Variants in PDE4B observed in about 807,000 individuals in gnomAD.
The protein encoded by PDE4B is 3',5'-cyclic-AMP phosphodiesterase 4B.
A neutral mutation model predicts 82.2 loss-of-function variants in PDE4B; 20 were observed. The observed-to-expected ratio is 0.24, with a 90% CI of 0.17 to 0.35. The LOEUF is 0.35. Among genes scored for constraint, PDE4B ranks in the 10% least tolerant of loss-of-function variants. The pLI, the probability that PDE4B is intolerant of heterozygous loss-of-function variation, is 1.00. For synonymous variants in PDE4B, 320 were observed against 318.9 expected (o/e 1.00, Z -0.04); for missense variants, 655 against 907.2 (o/e 0.72, Z 3.57).
chr1:66,179,810 T>C (rs1396269708), intron 3 of PDE4B, among the ~76,000 whole-genome samples: 2 of 152,202 alleles, frequency 1.3e-5, no homozygotes, highest in African/African-American at 4.8e-5. Context: ...AGGGTGGGAA[T>C]TTTAAATAAG....
intron 3 of PDE4B, among the ~76,000 whole-genome samples, chr1:66,146,815 C>T (rs368772736): frequency 1.3e-4 from 20 of 152,278 alleles, no homozygotes; most frequent in Middle Eastern, 6.8e-3. Context: ...TTTTAAACTA[C>T]GTACCGTAGA....
intron 1 of PDE4B, among the ~76,000 whole-genome samples, chr1:65,901,072 A>G (rs1170356356): frequency 6.6e-6 from 1 of 152,070 alleles, no homozygotes; most frequent in Non-Finnish European, 1.5e-5. Flanking sequence ...CCCATTCAGT[A>G]TGCTGTTGGC....
chr1:66,254,585 G>A (rs1196695051), intron 4 of PDE4B, among the ~76,000 whole-genome samples: 3 of 152,080 alleles, frequency 2.0e-5, no homozygotes, highest in Admixed American at 6.5e-5. Flanking sequence ...GTCTCCACCC[G>A]GATACAAATC....
chr1:65,924,592 A>G (rs1160803563), intron 3 of PDE4B, among the ~76,000 whole-genome samples: 2 of 152,186 alleles, frequency 1.3e-5, no homozygotes, highest in African/African-American at 4.8e-5. Context: ...CAGAGTTTCT[A>G]TGAATCAGGA....
intron 3 of PDE4B, chr1:66,048,737 G>A (rs1458769754): frequency 6.6e-6 from 1 of 151,790 alleles, no homozygotes; most frequent in Non-Finnish European, 1.5e-5. Flanking sequence ...CTTCATTCTC[G>A]GATGTTTTAT....
At chr1:66,079,292 A>G (rs1400874161) in intron 3 of PDE4B, among the ~76,000 whole-genome samples, 1 of 151,972 alleles carries the variant, frequency 6.6e-6, no homozygotes, top group Non-Finnish European at 1.5e-5. Flanking sequence ...TAGTTAAAAT[A>G]TAACTATTTA....
chr1:66,147,309 T>A (rs1420949937), intron 3 of PDE4B, among the ~76,000 whole-genome samples: 1 of 152,200 alleles, frequency 6.6e-6, no homozygotes, highest in East Asian at 1.9e-4. Context: ...TTGGCCCACC[T>A]AACAGCCCCG....
At chr1:65,903,296 G>A (rs1646991824) in intron 1 of PDE4B, among the ~76,000 whole-genome samples, 1 of 151,990 alleles carries the variant, frequency 6.6e-6, no homozygotes, top group African/African-American at 2.4e-5. Flanking sequence ...AATGTATTAG[G>A]TGCTTGTCAA....
chr1:66,346,349 TA>T (rs1661394378), intron 8 of PDE4B, among the ~76,000 whole-genome samples: 1 of 152,208 alleles, frequency 6.6e-6, no homozygotes, highest in African/African-American at 2.4e-5. Flanking sequence ...AGTCAATAGA[TA>T]AAAAGTTGTA....
At chr1:66,300,082 C>A (rs1259489384) in intron 7 of PDE4B, among the ~76,000 whole-genome samples, 3 of 152,050 alleles carry the variant, frequency 2.0e-5, no homozygotes, top group African/African-American at 7.2e-5. Flanking sequence ...CTCTGGTGTT[C>A]GTGTTTTTAC....
intron 3 of PDE4B, among the ~76,000 whole-genome samples, chr1:65,996,710 A>G (rs1651560983): frequency 6.6e-6 from 1 of 151,922 alleles, no homozygotes; most frequent in Non-Finnish European, 1.5e-5. Flanking sequence ...CATTATTTTG[A>G]CTCTGAATCA....
chr1:66,129,896 T>C (rs547291592), intron 3 of PDE4B, among the ~76,000 whole-genome samples: 6 of 152,310 alleles, frequency 3.9e-5, no homozygotes, highest in African/African-American at 1.4e-4. Flanking sequence ...TTTCTTGTTT[T>C]TAATGCAAAT....
At chr1:66,228,205 TTTCCC>T (rs1180301228) in intron 3 of PDE4B, among the ~76,000 whole-genome samples, 8 of 152,336 alleles carry the variant, frequency 5.3e-5, no homozygotes, top group African/African-American at 1.7e-4. Context: ...CCTGGCACTA[TTTCCC>T]TTCCCTTCCT....
At chr1:66,196,908 A>G (rs1648357123) in intron 3 of PDE4B, among the ~76,000 whole-genome samples, 1 of 152,106 alleles carries the variant, frequency 6.6e-6, no homozygotes, top group Non-Finnish European at 1.5e-5. Flanking sequence ...ATGTATACAT[A>G]TGTAACTAAC....
At chr1:65,862,409 G>A (rs1309424683) in intron 1 of PDE4B, among the ~76,000 whole-genome samples, 7 of 152,118 alleles carry the variant, frequency 4.6e-5, no homozygotes, top group African/African-American at 1.7e-4. Flanking sequence ...TGACTTGATC[G>A]TGGTAGATAA....
chr1:66,164,184 G>A (rs1172773841), intron 3 of PDE4B, among the ~76,000 whole-genome samples: 1 of 152,052 alleles, frequency 6.6e-6, no homozygotes, highest in Non-Finnish European at 1.5e-5. Context: ...TTTCGTATGT[G>A]TGTTCTTTTT....
At chr1:65,848,037 G>A (rs1479437206) in intron 1 of PDE4B, among the ~76,000 whole-genome samples, 2 of 152,106 alleles carry the variant, frequency 1.3e-5, no homozygotes, top group African/African-American at 4.8e-5. Flanking sequence ...AAATGAATGG[G>A]GGAGTTAATG....
At position 65,913,504 on chromosome 1, in the gene PDE4B, G is replaced by T. The variant is rs1647120936; in HGVS notation, c.42+148G>T. On this transcript the variant is annotated intron_variant, in intron 2 of 16. Coordinates refer to ENST00000341517, the MANE Select transcript of PDE4B (RefSeq NM_002600.4). ...ATGGGCACAGCCAGCACCTGGACCT[G>T]ACGTTCTGTGAGTTGGACAGCAGGA... 3 of 692,958 alleles carry T rather than the reference G, an allele frequency of 4.3e-6. No homozygotes were observed. The African/African-American group carries it at 5.4e-5, about 12-fold the overall frequency. 42.9% of individuals were successfully genotyped at this position (692,958 alleles called of 1,614,324 possible).
chr1:66,273,275 T>G (rs964348645), intron 7 of PDE4B, among the ~76,000 whole-genome samples: 1 of 152,242 alleles, frequency 6.6e-6, no homozygotes, highest in African/African-American at 2.4e-5. Context: ...CAGGATCTTC[T>G]TGCTTTCCTG....
Sources: allele counts gnomAD v4.1 joint callset (sites outside exome capture counted in the v4.1 genomes callset), GRCh38; gene constraint gnomAD v4.1.1; transcripts MANE v1.5; gene names NCBI Gene and HGNC (gene_info 2026-07-23, HGNC 2026-07-21).